MCF2L2: variants seen among roughly 807,000 people sequenced by gnomAD.
MCF2L2 encodes the protein MCF.2 cell line derived transforming sequence-like 2.
Under a neutral mutation model 150.2 loss-of-function variants are expected in MCF2L2, and 102 were observed. That is an observed-to-expected ratio of 0.68 (90% CI 0.58 to 0.80). MCF2L2 has a LOEUF of 0.80. MCF2L2 is among the 30% of genes least tolerant of loss of function. The pLI, the probability that MCF2L2 is intolerant of heterozygous loss-of-function variation, is 0.00. For missense variants in MCF2L2, 1,256 were observed against 1,372.8 expected (o/e 0.91, Z 1.34); for synonymous variants, 465 against 491.3 (o/e 0.95, Z 0.71).
intron 13 of MCF2L2, among the ~76,000 whole-genome samples, chr3:183,292,509 T>G (rs923452073): frequency 5.9e-5 from 9 of 151,986 alleles, no homozygotes; most frequent in African/African-American, 2.2e-4. Context: ...AATTCAAATC[T>G]ATAATAAGGA....
chr3:183,264,085 G>A (rs1725872116), intron 15 of MCF2L2, among the ~76,000 whole-genome samples: 1 of 152,040 alleles, frequency 6.6e-6, no homozygotes, highest in African/African-American at 2.4e-5. Flanking sequence ...ACTGAGCAAG[G>A]GAGTTACTAT....
At chr3:183,348,718 G>A (rs1258395025) in intron 3 of MCF2L2, among the ~76,000 whole-genome samples, 2 of 152,174 alleles carry the variant, frequency 1.3e-5, no homozygotes, top group Non-Finnish European at 2.9e-5. Flanking sequence ...GAAAGCCAAT[G>A]TGGCTATGTG....
At chr3:183,301,850 C>T (rs555128142) in intron 10 of MCF2L2, among the ~76,000 whole-genome samples, 1 of 151,816 alleles carries the variant, frequency 6.6e-6, no homozygotes, top group African/African-American at 2.4e-5. Context: ...GAAAGAAAGA[C>T]CCGATTTTAA....
At position 183,298,751 on chromosome 3, in the gene MCF2L2, TCTCA is replaced by T. The variant is rs1362413526; in HGVS notation, c.1305+1250_1305+1253del. The T allele has an allele frequency of 5.3e-5, 5 of 93,942 alleles. 1 individual carries two copies. Among genetic ancestry groups the T allele is most frequent in the East Asian group, 4.5e-4 (1 of 2,202 alleles). 5.8% of individuals were successfully genotyped at this position (93,942 alleles called of 1,614,324 possible). On this transcript the variant is annotated intron_variant, in intron 11 of 29. Transcript: ENST00000328913. Reference sequence around the variant, plus strand: ...CTCTCTCTCTGTCTCCCTCTCTCTCTCTCAAACACACATGCACACACACACACAC... The same window carrying T: ...CTCTCTCTCTGTCTCCCTCTCTCTCTAACACACATGCACACACACACACAC...
At chr3:183,199,347 T>C (rs1257102517) in intron 25 of MCF2L2, among the ~76,000 whole-genome samples, 1 of 152,238 alleles carries the variant, frequency 6.6e-6, no homozygotes, top group Non-Finnish European at 1.5e-5. Context: ...AACTGGCATT[T>C]CTTCACCCTA....
chr3:183,385,339 T>C (rs552210301), intron 2 of MCF2L2, among the ~76,000 whole-genome samples: 3 of 152,302 alleles, frequency 2.0e-5, no homozygotes, highest in South Asian at 2.1e-4. Flanking sequence ...ACTAGCTCCA[T>C]ATGTAAGCTA....
In MCF2L2 at chr3:183,376,205, A is replaced by G. The variant is rs1713178576; in HGVS notation, c.275+3092T>C. On this transcript the variant is annotated intron_variant, in intron 3 of 29. Transcript: ENST00000328913. The stretch of plus-strand genomic sequence containing the variant: ...TGATCTCCTCATCTCCATCTGTGAG[A>G]TAGGGGTGATAACCCTGCCTGCTTC... The G allele has an allele frequency of 2.0e-5, 3 of 152,268 alleles. No homozygotes were observed. In the South Asian group the frequency reaches 6.2e-4, roughly 31 times the overall value. 9.4% of individuals were successfully genotyped at this position (152,268 alleles called of 1,614,324 possible). A position where few individuals can be genotyped will look rare whatever the true frequency, so the allele number is the denominator to read the frequency against.
intron 15 of MCF2L2, among the ~76,000 whole-genome samples, chr3:183,252,216 C>T (rs764636161): frequency 1.3e-5 from 2 of 151,878 alleles, no homozygotes; most frequent in Admixed American, 1.3e-4. Context: ...GGGGGAAATG[C>T]ATGTGGGATT....
At chr3:183,375,948 T>C (rs1441161696) in intron 3 of MCF2L2, 1 of 152,206 alleles carries the variant, frequency 6.6e-6, no homozygotes, top group African/African-American at 2.4e-5. Context: ...AAGTTCCCCT[T>C]TCAGGCCTTC....
chr3:183,374,006 T>G (rs1713036587), intron 3 of MCF2L2: 1 of 152,606 alleles, frequency 6.6e-6, no homozygotes, highest in Non-Finnish European at 1.5e-5. Context: ...TGTCCATCCC[T>G]TCCTATCCAG....
intron 25 of MCF2L2, among the ~76,000 whole-genome samples, chr3:183,196,672 G>A (rs1319755088): frequency 6.6e-6 from 1 of 152,104 alleles, no homozygotes; most frequent in Non-Finnish European, 1.5e-5. Context: ...AGCCTACTTG[G>A]TGCACCAGGC....
Position 183,197,651 on chromosome 3 carries a change from C to T in MCF2L2, c.2885-2396G>A, listed in dbSNP as rs75651635. ...TTAAAGTCTTTTGCTCTTCAAAAGT[C>T]ACTCTTAAGAGAAAAAGATGCCACA... On this transcript the variant is annotated intron_variant, in intron 25 of 29. Coordinates refer to ENST00000328913, the MANE Select transcript of MCF2L2 (RefSeq NM_015078.4). The surrounding 1 kb of genome is among the most constrained non-coding windows in gnomAD (Gnocchi z 4.5). Among the ~76,000 whole-genome samples, 1,870 of 152,200 alleles carry T rather than the reference C, an allele frequency of 0.012. 31 individuals carry two copies. Among genetic ancestry groups the T allele is most frequent in the African/African-American group, 0.043 (1,778 of 41,540 alleles).
chr3:183,351,063 T>C (rs1731095450), intron 3 of MCF2L2, among the ~76,000 whole-genome samples: 1 of 151,594 alleles, frequency 6.6e-6, no homozygotes, highest in South Asian at 2.1e-4. Context: ...GAACTTTTGA[T>C]GAGTCACACC....
intron 3 of MCF2L2, among the ~76,000 whole-genome samples, chr3:183,364,365 A>C (rs1220355995): frequency 6.6e-6 from 1 of 151,896 alleles, no homozygotes; most frequent in Non-Finnish European, 1.5e-5. Context: ...AAATACAAAA[A>C]AAAAATTAGC....
intron 14 of MCF2L2, among the ~76,000 whole-genome samples, 173 bp downstream of exon 14, chr3:183,288,947 A>G (rs957370567): frequency 3.9e-5 from 6 of 152,232 alleles, no homozygotes; most frequent in African/African-American, 1.4e-4. Context: ...AAGAAGAAAG[A>G]AAAGGATGAA....
At chr3:183,384,825 C>T (rs1713742537) in intron 2 of MCF2L2, among the ~76,000 whole-genome samples, 1 of 152,172 alleles carries the variant, frequency 6.6e-6, no homozygotes, top group Non-Finnish European at 1.5e-5. Flanking sequence ...GAGCTCTATA[C>T]TCTTTGGAGT....
At chr3:183,369,909 A>G (rs922947726) in intron 3 of MCF2L2, among the ~76,000 whole-genome samples, 6 of 152,224 alleles carry the variant, frequency 3.9e-5, no homozygotes, top group African/African-American at 1.4e-4. Flanking sequence ...TAAAAAGGCA[A>G]CATTCACAAA....
At chr3:183,398,719 G>A (rs1295194232) in intron 1 of MCF2L2, among the ~76,000 whole-genome samples, 1 of 152,014 alleles carries the variant, frequency 6.6e-6, no homozygotes, top group African/African-American at 2.4e-5. Context: ...CCTAATCAGT[G>A]TTGCTTTAGT....
chr3:183,349,182 AT>A (rs1219656799), intron 3 of MCF2L2, among the ~76,000 whole-genome samples: 1 of 152,068 alleles, frequency 6.6e-6, no homozygotes, highest in East Asian at 1.9e-4. Context: ...TTTCTATTTC[AT>A]TTATCTTTGG....
Sources: allele counts gnomAD v4.1 joint callset (sites outside exome capture counted in the v4.1 genomes callset), GRCh38; gene constraint gnomAD v4.1.1; non-coding constraint Gnocchi (gnomAD v3.1); transcripts MANE v1.5; gene names NCBI Gene and HGNC (gene_info 2026-07-23, HGNC 2026-07-21).